The following CSTF3 variants were observed in gnomAD, a reference collection of about 807,000 sequenced individuals.
CSTF3 encodes cleavage stimulation factor subunit 3.
In CSTF3, 29 loss-of-function variants were observed where a neutral mutation model predicts 105.8. The observed-to-expected ratio is 0.27, with a 90% CI of 0.20 to 0.37. The LOEUF (loss-of-function observed/expected upper bound fraction) is 0.37, where lower values mean the gene tolerates loss of function less well. Among genes scored for constraint, CSTF3 ranks in the 10% least tolerant of loss-of-function variants. CSTF3 has a pLI of 1.00. For missense variants in CSTF3, 357 were observed against 879.3 expected, an observed-to-expected ratio of 0.41 and a Z score of 7.51; for synonymous variants, 252 against 281.9, an observed-to-expected ratio of 0.89 and a Z score of 1.06.
At chr11:33,131,215 C>T (rs902749637) in intron 3 of CSTF3, among the ~76,000 whole-genome samples, 20 of 152,240 alleles carry the variant, frequency 1.3e-4, no homozygotes, top group African/African-American at 4.6e-4. Context: ...AGATTTTATA[C>T]AAAGGATAAC....
chr11:33,107,059 T>C (rs953497224), intron 5 of CSTF3, among the ~76,000 whole-genome samples: 1 of 151,818 alleles, frequency 6.6e-6, no homozygotes, highest in African/African-American at 2.4e-5. Flanking sequence ...TTGCTTGAGC[T>C]CAGTAGTTTG....
intron 3 of CSTF3, among the ~76,000 whole-genome samples, chr11:33,132,180 T>C (rs989478793): frequency 5.3e-5 from 8 of 152,146 alleles, no homozygotes; most frequent in African/African-American, 1.4e-4. Context: ...ATATCCTTTA[T>C]AGAGTTACCT....
At chr11:33,159,176 A>G (rs550610898) in intron 1 of CSTF3, among the ~76,000 whole-genome samples, 3 of 152,290 alleles carry the variant, frequency 2.0e-5, no homozygotes, top group South Asian at 4.1e-4. Flanking sequence ...TGCGTGGACC[A>G]GGCGTGGTGG....
At chr11:33,129,223 T>C (rs1855573921) in intron 3 of CSTF3, among the ~76,000 whole-genome samples, 2 of 151,970 alleles carry the variant, frequency 1.3e-5, no homozygotes, top group South Asian at 2.1e-4. Flanking sequence ...TCCCAAGCAG[T>C]TGGGGTTACA....
In CSTF3 at chr11:33,105,702, G is replaced by C. The variant is rs750492783; in HGVS notation, c.459-9C>G. 6.2e-7 allele frequency: 1 copy of C among 1,612,278 alleles called. No homozygotes were observed. Among genetic ancestry groups the C allele is most frequent in the Non-Finnish European group, 8.5e-7 (1 of 1,179,012 alleles). ...AAGATCCTACAGCTTCCCTGAGATT[G>C]GATAAGAAATGCCATCAATTATATT... On this transcript the variant is annotated splice_polypyrimidine_tract_variant and intron_variant, in intron 7 of 20. Coordinates refer to ENST00000323959, the MANE Select transcript of CSTF3 (RefSeq NM_001326.3).
chr11:33,088,469 G>A (rs1284821740), intron 17 of CSTF3, among the ~76,000 whole-genome samples: 1 of 151,778 alleles, frequency 6.6e-6, no homozygotes, highest in African/African-American at 2.4e-5. Flanking sequence ...TAGTAGAGAC[G>A]GGGTTTCACC....
At chr11:33,154,864 G>A (rs564045039) in intron 1 of CSTF3, among the ~76,000 whole-genome samples, 4 of 152,172 alleles carry the variant, frequency 2.6e-5, no homozygotes, top group African/African-American at 4.8e-5. Context: ...AGAACTATAT[G>A]TGACAGGTGT....
At chr11:33,141,342 G>T in intron 3 of CSTF3, 1 of 612,934 alleles carries the variant, frequency 1.6e-6, no homozygotes. Flanking sequence ...TTGTAAGTAG[G>T]AATAAAAAGA....
At chr11:33,133,465 C>T (rs1855621622) in intron 3 of CSTF3, among the ~76,000 whole-genome samples, 1 of 152,186 alleles carries the variant, frequency 6.6e-6, no homozygotes, top group African/African-American at 2.4e-5. Flanking sequence ...ATGAACATTA[C>T]TACGCCTCTG....
At chr11:33,086,181 G>A (rs1855103536) in intron 18 of CSTF3, among the ~76,000 whole-genome samples, 192 bp from the exon 19 acceptor site, 1 of 152,246 alleles carries the variant, frequency 6.6e-6, no homozygotes, top group Admixed American at 6.5e-5. Context: ...GGGAGGCAGA[G>A]AAGTAGACAA....
chr11:33,116,754 G>C (rs578111693), intron 3 of CSTF3, among the ~76,000 whole-genome samples: 1 of 152,222 alleles, frequency 6.6e-6, no homozygotes, highest in African/African-American at 2.4e-5. Flanking sequence ...ACAGGCTGGG[G>C]AGAATACAGA....
chr11:33,120,292 G>C (rs1855473520), intron 3 of CSTF3, among the ~76,000 whole-genome samples: 1 of 151,490 alleles, frequency 6.6e-6, no homozygotes, highest in South Asian at 2.1e-4. Context: ...GCTACAAAAA[G>C]TTAAGGTTTT....
chr11:33,128,194 A>AT (rs1855563472), intron 3 of CSTF3, among the ~76,000 whole-genome samples: 2 of 152,130 alleles, frequency 1.3e-5, no homozygotes, highest in Admixed American at 6.5e-5. Context: ...AAAATAACCA[A>AT]TTTTTTATCT....
chr11:33,123,472 C>A (rs568375763), intron 3 of CSTF3, among the ~76,000 whole-genome samples: 2 of 152,146 alleles, frequency 1.3e-5, no homozygotes, highest in South Asian at 2.1e-4. Flanking sequence ...TTCAAATAAA[C>A]CCCATATACT....
chr11:33,147,519 C>T (rs576990485), intron 1 of CSTF3, among the ~76,000 whole-genome samples: 2 of 150,822 alleles, frequency 1.3e-5, no homozygotes, highest in South Asian at 2.1e-4. Flanking sequence ...CGCTTGAGAC[C>T]AGGAGGCAGA....
chr11:33,160,801 CA>C (rs1849930398), intron 1 of CSTF3, among the ~76,000 whole-genome samples: 1 of 152,160 alleles, frequency 6.6e-6, no homozygotes, highest in African/African-American at 2.4e-5. Context: ...ACAAAATTCC[CA>C]AAACCTCAGC....
At chr11:33,090,980 C>G (rs928628572) in intron 16 of CSTF3, among the ~76,000 whole-genome samples, 1 of 152,010 alleles carries the variant, frequency 6.6e-6, no homozygotes, top group Non-Finnish European at 1.5e-5. Flanking sequence ...AAATTATAAA[C>G]CTATCACTTC....
At chr11:33,089,590 G>A (rs1261104709) in intron 17 of CSTF3, among the ~76,000 whole-genome samples, 1 of 152,204 alleles carries the variant, frequency 6.6e-6, no homozygotes, top group Non-Finnish European at 1.5e-5. Context: ...TTATCCCTGA[G>A]CAGTAATCCT....
rs1260568342 is a variant in CSTF3, at chr11:33,102,162, G to T, written c.826+15C>A. On this transcript the variant is annotated intron_variant, in intron 10 of 20. Coordinates refer to ENST00000323959, the MANE Select transcript of CSTF3 (RefSeq NM_001326.3). ...ATACATGTAACTGAAGTCCCATGAG[G>T]GTTAATCATGTTACCTCTTTTTGTT... is the stretch of plus-strand genomic sequence containing the variant. The T allele has an allele frequency of 3.1e-6, 5 of 1,611,338 alleles. No homozygotes were observed. The highest frequency in any genetic ancestry group is 4.2e-6 in the Non-Finnish European group (5 of 1,178,410).
Sources: gnomAD v4.1 joint callset for allele counts (sites outside exome capture counted in the v4.1 genomes callset) on GRCh38, gnomAD v4.1.1 for gene constraint, MANE v1.5 for transcripts, NCBI Gene and HGNC (gene_info 2026-07-23, HGNC 2026-07-21) for gene names.